The following RSPO2 variants were observed in gnomAD, a reference collection of about 807,000 sequenced individuals.
The protein encoded by RSPO2 is R-spondin 2.
In RSPO2, 14 loss-of-function variants were observed where a neutral mutation model predicts 30.9. The ratio of observed to expected loss-of-function variants is 0.45; its 90% CI spans 0.30 to 0.71. The LOEUF (loss-of-function observed/expected upper bound fraction) is 0.71, where lower values mean the gene tolerates loss of function less well. Among genes scored for constraint, RSPO2 ranks in the 30% least tolerant of loss-of-function variants. The probability of loss-of-function intolerance (pLI) is 0.08; values close to 1 mark genes in which losing one functional copy is unlikely to be tolerated. For missense variants in RSPO2, 264 were observed against 301.9 expected (o/e 0.87, Z 0.93); for synonymous variants, 107 against 96.4 (o/e 1.11, Z -0.64).
chr8:108,036,544 T>C (rs1382250246), intron 2 of RSPO2, among the ~76,000 whole-genome samples: 1 of 152,222 alleles, frequency 6.6e-6, no homozygotes, highest in East Asian at 1.9e-4. Flanking sequence ...CTTTTCAATG[T>C]TAGGCTGTAG....
chr8:107,959,169 G>A (rs1036517863), intron 4 of RSPO2, among the ~76,000 whole-genome samples: 1 of 152,196 alleles, frequency 6.6e-6, no homozygotes, highest in Non-Finnish European at 1.5e-5. Flanking sequence ...AAGATGGGGA[G>A]CTTGCTTTGC....
chr8:108,000,460 T>C (rs546479818), intron 2 of RSPO2, among the ~76,000 whole-genome samples: 1 of 152,060 alleles, frequency 6.6e-6, no homozygotes, highest in Admixed American at 6.6e-5. Flanking sequence ...TCAATGGCAA[T>C]GAAAGGTACT....
chr8:107,938,687 A>C (rs1812795017), intron 5 of RSPO2, among the ~76,000 whole-genome samples: 1 of 152,194 alleles, frequency 6.6e-6, no homozygotes, highest in African/African-American at 2.4e-5. Flanking sequence ...GTGCCTTTGC[A>C]CCAAAATAAA....
chr8:108,013,737 C>A (rs1249439129), intron 2 of RSPO2, among the ~76,000 whole-genome samples: 1 of 152,114 alleles, frequency 6.6e-6, no homozygotes, highest in Non-Finnish European at 1.5e-5. Context: ...AAACCCAAGA[C>A]CATAAAAGCC....
At chr8:107,947,693 A>G (rs547492387) in intron 5 of RSPO2, among the ~76,000 whole-genome samples, 2 of 152,204 alleles carry the variant, frequency 1.3e-5, no homozygotes, top group East Asian at 3.8e-4. Context: ...CTTTAGCAAC[A>G]CCATTTCAGT....
intron 2 of RSPO2, among the ~76,000 whole-genome samples, chr8:108,025,368 A>T (rs574665769): frequency 6.6e-6 from 1 of 152,350 alleles, no homozygotes; most frequent in South Asian, 2.1e-4. Flanking sequence ...AACATGTCAA[A>T]CAGAGAAGTT....
At chr8:108,077,027 G>A (rs1813035585) in intron 2 of RSPO2, among the ~76,000 whole-genome samples, 1 of 152,118 alleles carries the variant, frequency 6.6e-6, no homozygotes, top group Non-Finnish European at 1.5e-5. Flanking sequence ...TGCTGGACTT[G>A]GCAATGAGGG....
chr8:107,958,214 C>A lies in RSPO2; in HGVS notation c.482G>T (p.Arg161Leu). ...CAGACCCCATTTAAATCCACATGTG[C>A]GATTATTTCTGCTACAAGTTCCCCA... ...SEWGTCSRNN[R>L]TCGFKWGLET... The change falls in exon 5 of 6, where the codon CGC (arginine) becomes CTC (leucine). Residue 161 changes from arginine to leucine, a missense_variant. By Grantham distance (102) the Arg-to-Leu change is moderately radical (BLOSUM62 -2). Coordinates refer to ENST00000276659, the MANE Select transcript of RSPO2 (RefSeq NM_178565.5). The A allele has an allele frequency of 1.2e-6, 2 of 1,613,444 alleles. No homozygotes were observed. Among genetic ancestry groups the A allele is most frequent in the Non-Finnish European group, 1.7e-6 (2 of 1,179,608 alleles).
chr8:108,020,044 A>G (rs1437881134), intron 2 of RSPO2, among the ~76,000 whole-genome samples: 4 of 151,138 alleles, frequency 2.6e-5, no homozygotes, highest in Admixed American at 2.6e-4. Context: ...AATGTGGTGT[A>G]TGCCAGTTGA....
chr8:107,983,098 G>A lies in RSPO2; in HGVS notation c.283+5958C>T, dbSNP rs572298284. 2.4e-4 allele frequency: 337 copies of A among 1,387,208 alleles called. 1 individual carries two copies. Among genetic ancestry groups the A allele is most frequent in the East Asian group, 1.2e-3 (51 of 43,194 alleles). 85.9% of individuals were successfully genotyped at this position (1,387,208 alleles called of 1,614,324 possible). On this transcript the variant is annotated intron_variant, in intron 3 of 5. Transcript: ENST00000276659. ...CACCACTACTCCCCTTCCTAAGGCC[G>A]CCGCTTACCCCAGGGTCTATGGAAG... is the stretch of plus-strand genomic sequence containing the variant.
At chr8:108,068,796 G>T (rs959411237) in intron 2 of RSPO2, among the ~76,000 whole-genome samples, 3 of 152,168 alleles carry the variant, frequency 2.0e-5, no homozygotes, top group African/African-American at 7.2e-5. Context: ...GCTACCAGAG[G>T]CTGGAAGAAA....
chr8:107,930,124 A>G (rs1812507352), intron 5 of RSPO2, among the ~76,000 whole-genome samples: 1 of 152,184 alleles, frequency 6.6e-6, no homozygotes. Context: ...AACATCAAGC[A>G]TTTCACATGT....
chr8:107,915,596 T>TTG (rs149737793), intron 5 of RSPO2, among the ~76,000 whole-genome samples: 3,779 of 150,970 alleles, frequency 0.025, 115 homozygotes, highest in East Asian at 0.088. Flanking sequence ...CTTCTCGTCT[T>TTG]TGTGTGTGTG....
intron 5 of RSPO2, among the ~76,000 whole-genome samples, chr8:107,955,599 C>A (rs1813402348): frequency 6.6e-6 from 1 of 151,278 alleles, no homozygotes; most frequent in Non-Finnish European, 1.5e-5. Flanking sequence ...AAGCATATAA[C>A]AGTTAAGGAA....
At chr8:107,944,380 T>C (rs504380) in intron 5 of RSPO2, among the ~76,000 whole-genome samples, 83,779 of 152,006 alleles carry the variant, frequency 0.55, 24,661 homozygotes, top group East Asian at 0.7. Context: ...TTTGTATATC[T>C]AAATGAAAGA....
chr8:107,904,699 T>A (rs1221121071), intron 5 of RSPO2, among the ~76,000 whole-genome samples: 2 of 152,106 alleles, frequency 1.3e-5, no homozygotes, highest in Non-Finnish European at 2.9e-5. Flanking sequence ...GTAAGGCATA[T>A]GCCTGACTCT....
intron 2 of RSPO2, among the ~76,000 whole-genome samples, chr8:108,002,211 C>G (rs769848343): frequency 2.0e-5 from 3 of 152,138 alleles, no homozygotes; most frequent in African/African-American, 4.8e-5. Context: ...GTAACCCCAG[C>G]ATGAGCAGAT....
chr8:107,921,510 T>C (rs1812172233), intron 5 of RSPO2, among the ~76,000 whole-genome samples: 1 of 152,014 alleles, frequency 6.6e-6, no homozygotes, highest in Non-Finnish European at 1.5e-5. Flanking sequence ...CTTAGATTTG[T>C]ATAACAGGAA....
intron 2 of RSPO2, among the ~76,000 whole-genome samples, chr8:108,045,798 C>T (rs567609770): frequency 4.8e-4 from 73 of 152,222 alleles, no homozygotes; most frequent in Non-Finnish European, 8.5e-4. Flanking sequence ...CAGGGGAAAA[C>T]ATGTGAACAA....
Sources: allele counts gnomAD v4.1 joint callset (sites outside exome capture counted in the v4.1 genomes callset), GRCh38; gene constraint gnomAD v4.1.1; transcripts MANE v1.5; gene names NCBI Gene and HGNC (gene_info 2026-07-23, HGNC 2026-07-21).